The following GPC6 variants were observed in gnomAD, a reference collection of about 807,000 sequenced individuals.
The protein encoded by GPC6 is glypican-6.
A neutral mutation model predicts 55.2 loss-of-function variants in GPC6; 14 were observed. The observed-to-expected ratio is 0.25, with a 90% CI of 0.17 to 0.40. The LOEUF is 0.40. GPC6 is among the 10% of genes least tolerant of loss of function. The pLI, the probability that GPC6 is intolerant of heterozygous loss-of-function variation, is 1.00. For synonymous variants in GPC6, 278 were observed against 259.6 expected, an observed-to-expected ratio of 1.07 and a Z score of -0.68; for missense variants, 641 against 708.5, an observed-to-expected ratio of 0.90 and a Z score of 1.08.
intron 2 of GPC6, among the ~76,000 whole-genome samples, chr13:93,633,491 C>A (rs1468004080): frequency 6.6e-6 from 1 of 151,926 alleles, no homozygotes; most frequent in African/African-American, 2.4e-5. Flanking sequence ...ACTAAAAATA[C>A]AAAAATTAGC....
At chr13:94,380,044 A>G (rs1880087745) in intron 6 of GPC6, among the ~76,000 whole-genome samples, 1 of 152,230 alleles carries the variant, frequency 6.6e-6, no homozygotes, top group South Asian at 2.1e-4. Flanking sequence ...ATCCACCATT[A>G]AATTCTGCAC....
chr13:93,318,144 A>G (rs1361278179), intron 1 of GPC6, among the ~76,000 whole-genome samples: 3 of 152,174 alleles, frequency 2.0e-5, no homozygotes, highest in African/African-American at 7.2e-5. Flanking sequence ...AGTGTCTTGT[A>G]TCTAGAAAGT....
intron 3 of GPC6, among the ~76,000 whole-genome samples, chr13:93,873,234 T>C (rs1025994926): frequency 1.3e-5 from 2 of 151,990 alleles, no homozygotes; most frequent in African/African-American, 4.8e-5. Context: ...AGCTTAAACA[T>C]TGGAAAATTC....
intron 3 of GPC6, among the ~76,000 whole-genome samples, chr13:94,025,133 C>G (rs1038600970): frequency 3.9e-5 from 6 of 152,190 alleles, no homozygotes; most frequent in Non-Finnish European, 8.8e-5. Flanking sequence ...AGCACAGCAT[C>G]ATTTAATACC....
At chr13:94,109,720 A>C (rs1886175133) in intron 4 of GPC6, among the ~76,000 whole-genome samples, 1 of 152,166 alleles carries the variant, frequency 6.6e-6, no homozygotes. Flanking sequence ...TCATAATTCT[A>C]ATAGAATGAT....
At chr13:93,577,790 GAA>G (rs2139483981) in intron 2 of GPC6, among the ~76,000 whole-genome samples, 1 of 152,150 alleles carries the variant, frequency 6.6e-6, no homozygotes, top group South Asian at 2.1e-4. Context: ...TCTTGTTCCA[GAA>G]CTTGAAGGAA....
intron 1 of GPC6, among the ~76,000 whole-genome samples, chr13:93,486,931 G>A (rs574665298): frequency 2.8e-5 from 4 of 142,182 alleles, no homozygotes; most frequent in Admixed American, 7.3e-5. Context: ...GCGACAGAGC[G>A]AGACTCCATC....
In GPC6 at chr13:94,201,899, A is replaced by G. The variant is rs1005868338; in HGVS notation, c.878-84450A>G. Among the ~76,000 whole-genome samples the G allele has an allele frequency of 4.6e-5, 7 of 152,142 alleles. No homozygotes were observed. In the South Asian group the frequency reaches 1.5e-3, roughly 32 times the overall value. The stretch of plus-strand genomic sequence containing the variant: ...GGGAGGTGGAGGTTGCAGTGAGCCG[A>G]GATTGTGCCACTGCGCTCCAGCCTG... On this transcript the variant is annotated intron_variant, in intron 4 of 8. Transcript: ENST00000377047.
At chr13:93,635,293 A>G (rs1879645877) in intron 2 of GPC6, among the ~76,000 whole-genome samples, 1 of 152,088 alleles carries the variant, frequency 6.6e-6, no homozygotes, top group Non-Finnish European at 1.5e-5. Flanking sequence ...GAAATTGAAG[A>G]CCTTTTGTAA....
chr13:93,633,477 C>A (rs1309611583), intron 2 of GPC6, among the ~76,000 whole-genome samples: 1 of 151,946 alleles, frequency 6.6e-6, no homozygotes, highest in Non-Finnish European at 1.5e-5. Context: ...GAAAACCCGT[C>A]TCTACTAAAA....
At chr13:93,865,203 T>A (rs1888925014) in intron 3 of GPC6, among the ~76,000 whole-genome samples, 1 of 151,636 alleles carries the variant, frequency 6.6e-6, no homozygotes. Flanking sequence ...CCTCTCCAGT[T>A]GGAAGATAAA....
At chr13:93,770,051 A>C (rs1212522343) in intron 2 of GPC6, among the ~76,000 whole-genome samples, 1 of 152,162 alleles carries the variant, frequency 6.6e-6, no homozygotes, top group African/African-American at 2.4e-5. Flanking sequence ...GTAAATTGAG[A>C]CATTTAGTTA....
chr13:93,823,825 C>T (rs551160835), intron 2 of GPC6, among the ~76,000 whole-genome samples: 3 of 152,124 alleles, frequency 2.0e-5, no homozygotes, highest in African/African-American at 7.2e-5. Flanking sequence ...ATTACATAAG[C>T]TTTTGTTAAG....
chr13:93,585,968 T>C (rs1877179773), intron 2 of GPC6, among the ~76,000 whole-genome samples: 1 of 152,192 alleles, frequency 6.6e-6, no homozygotes, highest in Non-Finnish European at 1.5e-5. Context: ...GTTTCTTTTT[T>C]TTTTAACTTG....
chr13:93,645,206 T>A (rs112708219), intron 2 of GPC6, among the ~76,000 whole-genome samples: 44 of 152,024 alleles, frequency 2.9e-4, no homozygotes, highest in African/African-American at 9.6e-4. Context: ...GACCTTAATT[T>A]TTCATGATAC....
chr13:94,149,696 T>A (rs752547186), intron 4 of GPC6, among the ~76,000 whole-genome samples: 1 of 152,066 alleles, frequency 6.6e-6, no homozygotes, highest in Non-Finnish European at 1.5e-5. Flanking sequence ...GAAAAATGCT[T>A]AGTCAGAGGC....
chr13:93,412,587 G>A (rs1031364743), intron 1 of GPC6, among the ~76,000 whole-genome samples: 27 of 152,178 alleles, frequency 1.8e-4, no homozygotes, highest in African/African-American at 6.0e-4. Context: ...AACCCAGGTA[G>A]TGAAAGTTGC....
chr13:94,278,890 A>C (rs2139074623), intron 4 of GPC6, among the ~76,000 whole-genome samples: 1 of 152,192 alleles, frequency 6.6e-6, no homozygotes, highest in African/African-American at 2.4e-5. Flanking sequence ...TATTGGCCTG[A>C]AGTTTTCTTT....
chr13:93,725,931 A>G (rs1258213665), intron 2 of GPC6, among the ~76,000 whole-genome samples: 1 of 152,026 alleles, frequency 6.6e-6, no homozygotes, highest in Non-Finnish European at 1.5e-5. Context: ...AGAAAACAAG[A>G]CAGACTTTAA....
Sources: allele counts gnomAD v4.1 joint callset (sites outside exome capture counted in the v4.1 genomes callset), GRCh38; gene constraint gnomAD v4.1.1; transcripts MANE v1.5; gene names NCBI Gene and HGNC (gene_info 2026-07-23, HGNC 2026-07-21).